GLIS1: variants seen among roughly 807,000 people sequenced by gnomAD.
GLIS1 encodes the protein GLIS family zinc finger 1.
In GLIS1, 24 loss-of-function variants were observed where a neutral mutation model predicts 63.8. The observed-to-expected ratio is 0.38, with a 90% CI of 0.27 to 0.53. The LOEUF is 0.53. Ranked by LOEUF, GLIS1 falls within the 20% of genes least tolerant of loss-of-function variation. GLIS1 has a pLI of 0.85. For synonymous variants in GLIS1, 450 were observed against 482.5 expected, an observed-to-expected ratio of 0.93 and a Z score of 0.88; for missense variants, 1,036 against 1,074.1, an observed-to-expected ratio of 0.96 and a Z score of 0.50.
At chr1:53,510,785 C>G (rs1460443406) in intron 8 of GLIS1, among the ~76,000 whole-genome samples, 5 of 152,196 alleles carry the variant, frequency 3.3e-5, no homozygotes, top group African/African-American at 4.8e-5. Context: ...TTTTCCTGCA[C>G]AGTGTACTCT....
chr1:53,550,964 C>A (rs1569808498), intron 4 of GLIS1, among the ~76,000 whole-genome samples: 1 of 152,298 alleles, frequency 6.6e-6, no homozygotes, highest in Middle Eastern at 3.4e-3. Context: ...GATTCTCCTG[C>A]CTCAGCCTTC....
At chr1:53,556,551 GCAGGTGTACTGCAGGGGTGTGTGTA>G (rs200372078) in intron 4 of GLIS1, among the ~76,000 whole-genome samples, 177 of 131,462 alleles carry the variant, frequency 1.3e-3, no homozygotes, top group African/African-American at 2.8e-3. Context: ...GTGTGTGTGT[GCAGGTGTACTGCAGGGGTGTGTGTA>G]TGCAGGTGTA....
intron 2 of GLIS1, among the ~76,000 whole-genome samples, chr1:53,658,842 A>G (rs1331947802): frequency 6.6e-6 from 1 of 152,146 alleles, no homozygotes; most frequent in Non-Finnish European, 1.5e-5. Flanking sequence ...CTCTCCCCCA[A>G]TACAGGGCCC....
At chr1:53,621,730 T>C (rs1645544932) in intron 2 of GLIS1, among the ~76,000 whole-genome samples, 1 of 152,240 alleles carries the variant, frequency 6.6e-6, no homozygotes, top group African/African-American at 2.4e-5. Context: ...AAATCAAGGA[T>C]TATGGGTGAG....
At chr1:53,722,790 G>A (rs1646768826) in intron 2 of GLIS1, among the ~76,000 whole-genome samples, 1 of 150,594 alleles carries the variant, frequency 6.6e-6, no homozygotes, top group Admixed American at 6.6e-5. Context: ...CTGTGATTGG[G>A]CCACTGCACT....
At chr1:53,614,094 A>G (rs1645453550) in intron 2 of GLIS1, among the ~76,000 whole-genome samples, 1 of 152,250 alleles carries the variant, frequency 6.6e-6, no homozygotes, top group South Asian at 2.1e-4. Flanking sequence ...ACACATGGAT[A>G]TTGAATGCCT....
intron 2 of GLIS1, among the ~76,000 whole-genome samples, chr1:53,655,772 T>C (rs1645959136): frequency 6.6e-6 from 1 of 152,200 alleles, no homozygotes; most frequent in Non-Finnish European, 1.5e-5. Flanking sequence ...GGCAATAACC[T>C]TGTGCTGGTT....
intron 2 of GLIS1, among the ~76,000 whole-genome samples, chr1:53,717,990 AC>A (rs1394872430): frequency 1.3e-5 from 2 of 152,118 alleles, no homozygotes; most frequent in South Asian, 2.1e-4. Context: ...GCTCAGGTCC[AC>A]TCTGGAACAG....
chr1:53,575,616 C>T (rs1369088519), intron 4 of GLIS1, among the ~76,000 whole-genome samples: 1 of 152,198 alleles, frequency 6.6e-6, no homozygotes, highest in Non-Finnish European at 1.5e-5. Context: ...AAGTGGCTCT[C>T]CTTGTCTGGA....
intron 4 of GLIS1, among the ~76,000 whole-genome samples, chr1:53,577,805 C>A (rs1315904002): frequency 3.9e-5 from 6 of 152,152 alleles, no homozygotes; most frequent in African/African-American, 7.2e-5. Flanking sequence ...GCAGGGCTCA[C>A]TATGGCCAGG....
At position 53,520,736 on chromosome 1, in the gene GLIS1, C is replaced by T. The variant is rs200308912; in HGVS notation, c.1624G>A (p.Val542Ile). Residue 542 changes from valine to isoleucine, a missense_variant, in exon 7 of 11, where the codon GTC (valine) becomes ATC (isoleucine). This residue lies in a region of GLIS1 where 400 missense variants were observed against 400.9 expected (regional missense o/e 1.00). Coordinates refer to ENST00000628545, the MANE Select transcript of GLIS1 (RefSeq NM_001367484.1). Reference sequence around the variant, plus strand: ...TGCAGGACCAGACACTCGGTCAGGACGTCGGCCTCGGTGTCAGGGCCCGCA... The same window carrying T: ...TGCAGGACCAGACACTCGGTCAGGATGTCGGCCTCGGTGTCAGGGCCCGCA... ...LHAGPDTEAD[V>I]LTECLVLQQL... 3.9e-4 allele frequency: 621 copies of T among 1,607,330 alleles called. 6 individuals are homozygous for T. The South Asian group carries it at 6.5e-3, about 17-fold the overall frequency.
chr1:53,553,412 C>T (rs1447114333), intron 4 of GLIS1, among the ~76,000 whole-genome samples: 1 of 152,168 alleles, frequency 6.6e-6, no homozygotes, highest in African/African-American at 2.4e-5. Flanking sequence ...CATCCACCCA[C>T]CCATCCACCA....
chr1:53,666,233 G>A (rs1020966479), intron 2 of GLIS1, among the ~76,000 whole-genome samples: 6 of 152,178 alleles, frequency 3.9e-5, no homozygotes, highest in Non-Finnish European at 8.8e-5. Context: ...CAGGGCTAGT[G>A]CTTCACAAAC....
intron 4 of GLIS1, among the ~76,000 whole-genome samples, chr1:53,558,623 G>A (rs1644856341): frequency 6.6e-6 from 1 of 152,190 alleles, no homozygotes; most frequent in South Asian, 2.1e-4. Context: ...CTAGACTGGG[G>A]CAAGCAGGGT....
chr1:53,540,463 T>G (rs1382002176), intron 4 of GLIS1, among the ~76,000 whole-genome samples: 1 of 152,148 alleles, frequency 6.6e-6, no homozygotes, highest in African/African-American at 2.4e-5. Flanking sequence ...CTTCCTCCTC[T>G]TCCTGTGAGC....
intron 4 of GLIS1, among the ~76,000 whole-genome samples, chr1:53,545,029 T>C (rs1644683860): frequency 6.6e-6 from 1 of 152,220 alleles, no homozygotes. Context: ...CCCTGGATCC[T>C]TAGGGCAGGC....
At chr1:53,696,953 C>T (rs181923042) in intron 2 of GLIS1, among the ~76,000 whole-genome samples, 1 of 152,224 alleles carries the variant, frequency 6.6e-6, no homozygotes, top group African/African-American at 2.4e-5. Flanking sequence ...TTCCACGTGG[C>T]ATCCCCATAC....
At chr1:53,672,585 C>T (rs1366745438) in intron 2 of GLIS1, among the ~76,000 whole-genome samples, 2 of 152,334 alleles carry the variant, frequency 1.3e-5, no homozygotes, top group Admixed American at 6.5e-5. Flanking sequence ...AGTCTTGGAG[C>T]AGTCTCTAAC....
At chr1:53,581,320 C>A (rs1275958425) in intron 4 of GLIS1, among the ~76,000 whole-genome samples, 1 of 152,134 alleles carries the variant, frequency 6.6e-6, no homozygotes, top group East Asian at 1.9e-4. Flanking sequence ...TCAACACGAC[C>A]CTGTGAGCTG....
Sources: allele counts gnomAD v4.1 joint callset (sites outside exome capture counted in the v4.1 genomes callset), GRCh38; gene constraint gnomAD v4.1.1; regional missense constraint gnomAD v4.1.1; transcripts MANE v1.5; gene names NCBI Gene and HGNC (gene_info 2026-07-23, HGNC 2026-07-21).